Variants in SACM1L observed in about 807,000 individuals in gnomAD.
The protein encoded by SACM1L is SAC1 like phosphatidylinositide phosphatase, also known as phosphatidylinositol-3-phosphatase SAC1.
Under a neutral mutation model 89.5 loss-of-function variants are expected in SACM1L, and 32 were observed. The observed-to-expected ratio is 0.36, with a 90% confidence interval of 0.27 to 0.48. SACM1L has a LOEUF of 0.48. SACM1L is among the 20% of genes least tolerant of loss of function. SACM1L has a pLI of 0.99. For missense variants in SACM1L, 543 were observed against 708.5 expected (o/e 0.77, Z 2.65); for synonymous variants, 213 against 232.8 (o/e 0.92, Z 0.77).
At chr3:45,740,605 G>A (rs998019300) in intron 19 of SACM1L, among the ~76,000 whole-genome samples, 4 of 152,118 alleles carry the variant, frequency 2.6e-5, no homozygotes, top group Admixed American at 6.5e-5. Flanking sequence ...GTAATACATA[G>A]TAATTATAGA....
At position 45,703,626 on chromosome 3, in the gene SACM1L, G is replaced by A. The variant is rs916899384; in HGVS notation, c.130+91G>A. 2.0e-5 allele frequency: 16 copies of A among 806,212 alleles called. No homozygotes were observed. The African/African-American group carries it at 2.8e-4, about 14-fold the overall frequency. The allele number at this position is 806,212 out of a possible 1,614,324, so 49.9% of individuals were successfully genotyped here. A position where few individuals can be genotyped will look rare whatever the true frequency, so the allele number is the denominator to read the frequency against. The stretch of plus-strand genomic sequence containing the variant: ...AAACATCACTCAGAGGTGTGTCAGT[G>A]TGTGGATCTCTGAGTGCATTCTTAT... On this transcript the variant is annotated intron_variant, in intron 2 of 19. Coordinates refer to ENST00000389061, the MANE Select transcript of SACM1L (RefSeq NM_014016.5).
At chr3:45,740,771 C>T (rs1387564402) in intron 19 of SACM1L, among the ~76,000 whole-genome samples, 1 of 151,906 alleles carries the variant, frequency 6.6e-6, no homozygotes. Context: ...TGCTTTTTTT[C>T]ACTGAGCAGT....
rs1247830210 is a variant in SACM1L, at chr3:45,738,763, T to G, written c.1477-18T>G. The G allele has an allele frequency of 6.3e-7, 1 of 1,578,538 alleles. No homozygotes were observed. The highest frequency in any genetic ancestry group is 1.7e-5 in the Admixed American group (1 of 59,608). Reference sequence around the variant, plus strand: ...TTATCTCACACTGAGTTTACGAATTTCTTCCTTTCTGTTCTAGGATTCCAT... The same window carrying G: ...TTATCTCACACTGAGTTTACGAATTGCTTCCTTTCTGTTCTAGGATTCCAT... On this transcript the variant is annotated intron_variant, in intron 17 of 19. Transcript: ENST00000389061.
At chr3:45,706,946 G>T in intron 4 of SACM1L, 39 bp downstream of exon 4, 1 of 1,598,428 alleles carries the variant, frequency 6.3e-7, no homozygotes. Context: ...AGCGCCCAAA[G>T]AAGTAGCATG....
chr3:45,718,116 C>G (rs1168151061), intron 7 of SACM1L, among the ~76,000 whole-genome samples: 2 of 152,040 alleles, frequency 1.3e-5, no homozygotes, highest in Non-Finnish European at 2.9e-5. Flanking sequence ...CAACACTGTT[C>G]ATAATAGTAA....
chr3:45,691,348 C>G (rs1697982533), intron 1 of SACM1L, among the ~76,000 whole-genome samples: 1 of 152,008 alleles, frequency 6.6e-6, no homozygotes, highest in East Asian at 1.9e-4. Flanking sequence ...TTATTCCTTC[C>G]TTTTGGCCCT....
At chr3:45,710,140 A>G (rs1187061979) in intron 5 of SACM1L, among the ~76,000 whole-genome samples, 1 of 152,154 alleles carries the variant, frequency 6.6e-6, no homozygotes, top group African/African-American at 2.4e-5. Context: ...TTTTATAACT[A>G]AAAATGTAAC....
At chr3:45,713,040 C>A in intron 5 of SACM1L, 97 bp from the exon 6 acceptor site, 2 of 966,702 alleles carry the variant, frequency 2.1e-6, no homozygotes, top group Non-Finnish European at 1.5e-6. Flanking sequence ...AAACTGGCTT[C>A]TAGCCATCAG....
chr3:45,693,621 C>T (rs1401176702), intron 1 of SACM1L, among the ~76,000 whole-genome samples: 1 of 152,222 alleles, frequency 6.6e-6, no homozygotes, highest in Admixed American at 6.5e-5. Flanking sequence ...TGGAATACGG[C>T]TGGTCCAGAG....
At chr3:45,726,869 C>CATACATTTGGTATA (rs1559548014) in intron 11 of SACM1L, among the ~76,000 whole-genome samples, 4 of 52,332 alleles carry the variant, frequency 7.6e-5, no homozygotes, top group African/African-American at 1.9e-4. Context: ...TGCTTTATTT[C>CATACATTTGGTATA]TTTTTTTTTT....
chr3:45,713,994 T>C, intron 6 of SACM1L, 52 bp from the exon 7 acceptor site: 1 of 960,736 alleles, frequency 1.0e-6, no homozygotes, highest in Non-Finnish European at 1.5e-6. Context: ...TTTTATATAA[T>C]GCTTATTTAT....
In SACM1L at chr3:45,719,813, C is replaced by G. The variant is rs1342783870; in HGVS notation, c.679+212C>G. 5.3e-5 allele frequency among the ~76,000 whole-genome samples: 8 copies of G among 152,294 alleles called. No individual in the cohort carries two copies. In the South Asian group the frequency reaches 1.7e-3, roughly 32 times the overall value. On this transcript the variant is annotated intron_variant, in intron 8 of 19. Coordinates refer to ENST00000389061, the MANE Select transcript of SACM1L (RefSeq NM_014016.5). ...ATGTTAATGTGATACTTGTAGGCTG[C>G]TGCTTACTGCTTGAAGAGGAACTGA...
chr3:45,715,705 C>T (rs1440451851), intron 7 of SACM1L, among the ~76,000 whole-genome samples: 7 of 150,506 alleles, frequency 4.7e-5, no homozygotes, highest in Admixed American at 1.3e-4. Context: ...ACCCAGGAGA[C>T]GGAGGTTGCA....
At chr3:45,721,779 A>C (rs1364051793) in intron 8 of SACM1L, among the ~76,000 whole-genome samples, 1 of 152,134 alleles carries the variant, frequency 6.6e-6, no homozygotes, top group African/African-American at 2.4e-5. Context: ...TCTGTTTATT[A>C]ATAGGTTTTT....
intron 1 of SACM1L, among the ~76,000 whole-genome samples, chr3:45,694,062 G>A (rs561355040): frequency 8.3e-4 from 126 of 152,320 alleles, no homozygotes; most frequent in Non-Finnish European, 1.5e-3. Flanking sequence ...ATCAAATGTG[G>A]TTTGGGCACT....
At chr3:45,719,395 C>T (rs971061430) in intron 7 of SACM1L, 105 bp from the exon 8 acceptor site, 13 of 594,330 alleles carry the variant, frequency 2.2e-5, no homozygotes, top group African/African-American at 5.7e-5. Context: ...ATACTCTTGT[C>T]ATTTTTTCTC....
At chr3:45,705,059 T>G (rs1176779624) in intron 2 of SACM1L, 76 bp from the exon 3 acceptor site, 1 of 919,976 alleles carries the variant, frequency 1.1e-6, no homozygotes, top group Non-Finnish European at 1.7e-6. Flanking sequence ...AAGTAACTAT[T>G]GAAATCGAAC....
chr3:45,737,260 A>G, intron 14 of SACM1L: 1 of 293,344 alleles, frequency 3.4e-6, no homozygotes, highest in Non-Finnish European at 6.2e-6. Context: ...ACTGGGGGTA[A>G]GAGGGAGGGA....
chr3:45,724,096 A>C (rs1418718501), intron 11 of SACM1L, among the ~76,000 whole-genome samples: 1 of 152,048 alleles, frequency 6.6e-6, no homozygotes, highest in Non-Finnish European at 1.5e-5. Context: ...GTGGTGTGCA[A>C]GTATCTGATT....
Sources: gnomAD v4.1 joint callset for allele counts (sites outside exome capture counted in the v4.1 genomes callset) on GRCh38, gnomAD v4.1.1 for gene constraint, MANE v1.5 for transcripts, NCBI Gene and HGNC (gene_info 2026-07-23, HGNC 2026-07-21) for gene names.